Variants in ELAVL3 observed in about 807,000 individuals in gnomAD.
ELAVL3 encodes ELAV-like protein 3.
A neutral mutation model predicts 34.2 loss-of-function variants in ELAVL3; 8 were observed. The observed-to-expected ratio is 0.23, with a 90% CI of 0.14 to 0.42. The LOEUF (loss-of-function observed/expected upper bound fraction) is 0.42, where lower values mean the gene tolerates loss of function less well. Ranked by LOEUF, ELAVL3 falls within the 10% of genes least tolerant of loss-of-function variation. The probability of loss-of-function intolerance (pLI) is 1.00; values close to 1 mark genes in which losing one functional copy is unlikely to be tolerated. For missense variants in ELAVL3, 273 were observed against 518.8 expected (o/e 0.53, Z 4.60); for synonymous variants, 209 against 222.1 (o/e 0.94, Z 0.53).
At chr19:11,477,978 C>G (rs1971294414) in intron 1 of ELAVL3, among the ~76,000 whole-genome samples, 1 of 152,164 alleles carries the variant, frequency 6.6e-6, no homozygotes, top group Non-Finnish European at 1.5e-5. Context: ...GCATGAGCCA[C>G]CGTGCTAGAT....
At chr19:11,463,128 G>C (rs170173) in intron 3 of ELAVL3, among the ~76,000 whole-genome samples, 13,148 of 152,114 alleles carry the variant, frequency 0.086, 835 homozygotes, top group African/African-American at 0.17. Context: ...GGATATTGGA[G>C]GTCCAACACC....
Position 11,466,139 on chromosome 19 carries a change from C to A in ELAVL3, c.333+33G>T. 6.3e-7 allele frequency: 1 copy of A among 1,592,926 alleles called. No homozygotes were observed. Among genetic ancestry groups the A allele is most frequent in the Non-Finnish European group, 8.6e-7 (1 of 1,161,928 alleles). Reference sequence around the variant, plus strand: ...GTTGGGGACAGTCAGTTGGGGTGGGCGGTCATGGGGGATTGGAGAAGGAGG... The same window carrying A: ...GTTGGGGACAGTCAGTTGGGGTGGGAGGTCATGGGGGATTGGAGAAGGAGG... On this transcript the variant is annotated intron_variant, in intron 3 of 6. Transcript: ENST00000359227. The surrounding 1 kb of genome is among the most constrained non-coding windows in gnomAD (Gnocchi z 5.0).
Position 11,454,985 on chromosome 19 carries a change from G to T in ELAVL3, c.753-108C>A. 2 of 1,277,868 alleles carry T rather than the reference G, an allele frequency of 1.6e-6. No homozygotes were observed. Among genetic ancestry groups the T allele is most frequent in the Non-Finnish European group, 2.1e-6 (2 of 930,882 alleles). The allele number at this position is 1,277,868 out of a possible 1,614,324, so 79.2% of individuals were successfully genotyped here. On this transcript the variant is annotated intron_variant, in intron 6 of 6. Coordinates refer to ENST00000359227, the MANE Select transcript of ELAVL3 (RefSeq NM_001420.4). The surrounding 1 kb of genome is among the most constrained non-coding windows in gnomAD (Gnocchi z 9.2). ...CTGACTGTGCCATGACCTTGGAATG[G>T]TGTGACCCCTGCAATGCAATTTTTT...
chr19:11,454,796 G>A lies in ELAVL3; in HGVS notation c.834C>T (p.Gly278=), dbSNP rs541416829. Residue 278 remains glycine (G), a synonymous_variant, in exon 7 of 7, where the codon GGC becomes GGT. Transcript: ENST00000359227. This position sits in a 1 kb window ranked among gnomAD's most constrained non-coding sequence, Gnocchi z 9.2. ...AGATGCACCAGCCGGCGCCCGCCGCGCCCCCCGACAGGCCCACGCCCGCCA... is the reference window on the plus strand; with the variant it reads ...AGATGCACCAGCCGGCGCCCGCCGCACCCCCCGACAGGCCCACGCCCGCCA... ...SGLAGVGLSG[G]AAGAGWCIFV... 83 of 1,612,486 alleles carry A rather than the reference G, an allele frequency of 5.1e-5. No individual in the cohort carries two copies. The East Asian group carries it at 8.7e-4, about 17-fold the overall frequency.
intron 1 of ELAVL3, among the ~76,000 whole-genome samples, chr19:11,477,663 C>T: frequency 6.6e-6 from 1 of 151,678 alleles, no homozygotes. Context: ...AGTACACAAG[C>T]CACTGCTTCT....
Position 11,454,965 on chromosome 19 carries a change from T to A in ELAVL3, c.753-88A>T. ...CCTTCACACCTTTATGACCCCTGAC[T>A]GTGCCATGACCTTGGAATGGTGTGA... On this transcript the variant is annotated intron_variant, in intron 6 of 6. Coordinates refer to ENST00000359227, the MANE Select transcript of ELAVL3 (RefSeq NM_001420.4). This position sits in a 1 kb window ranked among gnomAD's most constrained non-coding sequence, Gnocchi z 9.2. 1 of 1,415,354 alleles carries A rather than the reference T, an allele frequency of 7.1e-7. No homozygotes were observed. The highest frequency in any genetic ancestry group is 9.5e-7 in the Non-Finnish European group (1 of 1,050,712). 87.7% of individuals were successfully genotyped at this position (1,415,354 alleles called of 1,614,324 possible).
chr19:11,457,794 G>A (rs554527281), intron 5 of ELAVL3, among the ~76,000 whole-genome samples: 1 of 152,356 alleles, frequency 6.6e-6, no homozygotes, highest in African/African-American at 2.4e-5. Context: ...CTACAGCCAC[G>A]TGCCCAAAAG....
intron 3 of ELAVL3, among the ~76,000 whole-genome samples, chr19:11,465,652 C>A (rs1296038617): frequency 1.3e-5 from 2 of 152,088 alleles, no homozygotes; most frequent in African/African-American, 4.8e-5. Flanking sequence ...CCCAAACACC[C>A]CCAGGCGAAC....
Position 11,466,955 on chromosome 19 carries a change from AT to A in ELAVL3, c.10-129del. The stretch of plus-strand genomic sequence containing the variant: ...CTTCGTCATGGGGAGGGGTCACTTT[AT>A]TATTCTAATGATGGGAATAATGATG... On this transcript the variant is annotated intron_variant, in intron 1 of 6. Coordinates refer to ENST00000359227, the MANE Select transcript of ELAVL3 (RefSeq NM_001420.4). The surrounding 1 kb of genome is among the most constrained non-coding windows in gnomAD (Gnocchi z 5.0). 2.9e-6 allele frequency: 2 copies of A among 683,572 alleles called. No homozygotes were observed. The highest frequency in any genetic ancestry group is 4.9e-6 in the Non-Finnish European group (2 of 408,416). 42.3% of individuals were successfully genotyped at this position (683,572 alleles called of 1,614,324 possible).
At chr19:11,464,725 T>TCACACACACAC (rs1970982185) in intron 3 of ELAVL3, among the ~76,000 whole-genome samples, 1 of 43,050 alleles carries the variant, frequency 2.3e-5, no homozygotes, top group East Asian at 7.4e-4. Context: ...CACACACACA[T>TCACACACACAC]CACACACACA....
rs779987842 is a variant in ELAVL3 at position 11,452,834 on chromosome 19, A to AT, written c.*1691dup. The AT allele has an allele frequency of 2.7e-4, 39 of 147,076 alleles. No homozygotes were observed. The highest frequency in any genetic ancestry group is 7.5e-4 in the Admixed American group (11 of 14,706). 9.1% of individuals were successfully genotyped at this position (147,076 alleles called of 1,614,324 possible). ...GCTCCGGCCTGTGGCTTCTGTTGGA[A>AT]TTTTTTTTTTTTAAAGAAAGAAAAC... On this transcript the variant is annotated 3_prime_UTR_variant, in exon 7 of 7. Coordinates refer to ENST00000359227, the MANE Select transcript of ELAVL3 (RefSeq NM_001420.4).
At chr19:11,462,835 G>A (rs1052662188) in intron 3 of ELAVL3, among the ~76,000 whole-genome samples, 2 of 151,358 alleles carry the variant, frequency 1.3e-5, no homozygotes, top group East Asian at 3.9e-4. Flanking sequence ...GGTGGCTGGC[G>A]CCTGTAGTCC....
chr19:11,479,277 C>G (rs1372201080), intron 1 of ELAVL3, among the ~76,000 whole-genome samples: 3 of 152,100 alleles, frequency 2.0e-5, no homozygotes, highest in African/African-American at 7.2e-5. Context: ...GTGAGCCAGG[C>G]CTCCGGGACC....
chr19:11,469,885 C>T lies in ELAVL3; in HGVS notation c.10-3058G>A, dbSNP rs564078173. The stretch of plus-strand genomic sequence containing the variant: ...CCAGCCTGGGCAACATGGCGAAACC[C>T]TGTCTCTACTAAAAATTTAAAAACT... On this transcript the variant is annotated intron_variant, in intron 1 of 6. Coordinates refer to ENST00000359227, the MANE Select transcript of ELAVL3 (RefSeq NM_001420.4). Among the ~76,000 whole-genome samples, 21 of 152,164 alleles carry T rather than the reference C, an allele frequency of 1.4e-4. 1 individual carries two copies. In the South Asian group the frequency reaches 4.1e-3, roughly 30 times the overall value.
intron 3 of ELAVL3, among the ~76,000 whole-genome samples, chr19:11,464,205 G>A (rs1218133611): frequency 4.5e-5 from 5 of 110,792 alleles, no homozygotes; most frequent in Non-Finnish European, 9.0e-5. Context: ...CTCTGTTGCC[G>A]AGGCTGGAGT....
In ELAVL3 at chr19:11,458,107, C is replaced by T. The variant is rs776673408; in HGVS notation, c.667G>A (p.Ala223Thr). 12 of 1,613,928 alleles carry T rather than the reference C, an allele frequency of 7.4e-6. No individual in the cohort carries two copies. The highest frequency in any genetic ancestry group is 4.5e-5 in the East Asian group (2 of 44,870). Residue 223 changes from alanine to threonine, a missense_variant, in exon 5 of 7, where the codon GCC becomes ACC. Around this residue, in one of 4 missense-constraint regions of ELAVL3, gnomAD observed 79 missense variants for 108.2 expected, o/e 0.73. Transcript: ENST00000359227. This position sits in a 1 kb window ranked among gnomAD's most constrained non-coding sequence, Gnocchi z 7.3. ...TGTAGGGGGCCTGCGTAGCGCCGGG[C>T]GGATGACTGGTAGAGGTGGGTGAGC... is the stretch of plus-strand genomic sequence containing the variant. ...ALLTHLYQSS[A>T]RRYAGPLHHQ... is the part of the protein sequence containing the mutation.
At chr19:11,471,184 C>A (rs1334358804) in intron 1 of ELAVL3, among the ~76,000 whole-genome samples, 3 of 151,476 alleles carry the variant, frequency 2.0e-5, no homozygotes, top group Admixed American at 6.6e-5. Flanking sequence ...GTGGTGTGCG[C>A]CTGTAATCTC....
Position 11,468,909 on chromosome 19 carries a change from C to A in ELAVL3, c.10-2082G>T, listed in dbSNP as rs1207758911. On this transcript the variant is annotated intron_variant, in intron 1 of 6. Transcript: ENST00000359227. ...ACTTTTTTTTTACATCAATTGAAAC[C>A]ATTTTTTAGCTTTAATTAATTAATT... Among the ~76,000 whole-genome samples the A allele has an allele frequency of 2.0e-5, 3 of 151,744 alleles. No individual in the cohort carries two copies. The East Asian group carries it at 5.8e-4, about 29-fold the overall frequency.
chr19:11,474,966 C>T (rs1312162832), intron 1 of ELAVL3, among the ~76,000 whole-genome samples: 14 of 152,112 alleles, frequency 9.2e-5, no homozygotes. Flanking sequence ...GTAGCTGGGA[C>T]TACAGGCACC....
Sources: gnomAD v4.1 joint callset for allele counts (sites outside exome capture counted in the v4.1 genomes callset) on GRCh38, gnomAD v4.1.1 for gene constraint, gnomAD v4.1.1 regional missense constraint, Gnocchi (gnomAD v3.1) non-coding constraint, MANE v1.5 for transcripts, NCBI Gene and HGNC (gene_info 2026-07-23, HGNC 2026-07-21) for gene names.